Variants in WWTR1 observed in about 807,000 individuals in gnomAD.
The protein encoded by WWTR1 is WW domain containing transcription regulator 1.
In WWTR1, 13 loss-of-function variants were observed where a neutral mutation model predicts 40.1. That is an observed-to-expected ratio of 0.32 (90% confidence interval 0.21 to 0.52). WWTR1 has a LOEUF of 0.52. WWTR1 is among the 20% of genes least tolerant of loss of function. The pLI is 0.97. For missense variants in WWTR1, 436 were observed against 523.1 expected, an observed-to-expected ratio of 0.83 and a Z score of 1.63; for synonymous variants, 230 against 210.1, an observed-to-expected ratio of 1.09 and a Z score of -0.82.
chr3:149,645,977 C>G (rs1315054581), intron 2 of WWTR1, among the ~76,000 whole-genome samples: 1 of 152,114 alleles, frequency 6.6e-6, no homozygotes, highest in Non-Finnish European at 1.5e-5. Flanking sequence ...CAATGAGTTA[C>G]TGTAGAAGCC....
intron 2 of WWTR1, among the ~76,000 whole-genome samples, chr3:149,592,616 AATAT>A (rs1560075751): frequency 6.6e-6 from 1 of 152,234 alleles, no homozygotes; most frequent in African/African-American, 2.4e-5. Flanking sequence ...TATGTGTATA[AATAT>A]ATATACATAT....
chr3:149,636,026 T>C (rs1388500827), intron 2 of WWTR1, among the ~76,000 whole-genome samples: 1 of 152,140 alleles, frequency 6.6e-6, no homozygotes, highest in Non-Finnish European at 1.5e-5. Flanking sequence ...AAGTAAAGAA[T>C]AAAAAAGTTC....
chr3:149,595,324 T>C lies in WWTR1; in HGVS notation c.432-22324A>G, dbSNP rs992584296. Among the ~76,000 whole-genome samples, 10 of 152,286 alleles carry C rather than the reference T, an allele frequency of 6.6e-5. 1 individual carries two copies. Among genetic ancestry groups the C allele is most frequent in the Middle Eastern group, 6.8e-3 (2 of 294 alleles). ...GAACCTAGATAAAGAGCAAACTCTC[T>C]TTCAACATTTTTTCAGGTTTGAAAA... On this transcript the variant is annotated intron_variant, in intron 2 of 6. Coordinates refer to ENST00000360632, the MANE Select transcript of WWTR1 (RefSeq NM_015472.6).
chr3:149,628,449 TCAAA>T (rs112814715), intron 2 of WWTR1, among the ~76,000 whole-genome samples: 2,714 of 152,290 alleles, frequency 0.018, 33 homozygotes, highest in Non-Finnish European at 0.03. Context: ...ACAAGGAAAC[TCAAA>T]CAAATACTGC....
chr3:149,668,459 T>G (rs1304791021), intron 2 of WWTR1, among the ~76,000 whole-genome samples: 1 of 151,910 alleles, frequency 6.6e-6, no homozygotes, highest in Non-Finnish European at 1.5e-5. Flanking sequence ...ATACAAAAAA[T>G]TAGCCGGGCA....
chr3:149,689,289 G>A (rs1248177143), intron 1 of WWTR1, among the ~76,000 whole-genome samples: 1 of 148,120 alleles, frequency 6.8e-6, no homozygotes, highest in East Asian at 2.0e-4. Flanking sequence ...GCTGAGGCAG[G>A]AAGATTGCTT....
chr3:149,610,240 G>T (rs1237256396), intron 2 of WWTR1, among the ~76,000 whole-genome samples: 1 of 152,090 alleles, frequency 6.6e-6, no homozygotes, highest in Non-Finnish European at 1.5e-5. Flanking sequence ...TACAAGCAAA[G>T]TACCAAATTC....
chr3:149,605,614 T>C (rs1739450232), intron 2 of WWTR1, among the ~76,000 whole-genome samples: 1 of 152,160 alleles, frequency 6.6e-6, no homozygotes, highest in Non-Finnish European at 1.5e-5. Flanking sequence ...ACGTGTTTAA[T>C]GGGCAAAAGA....
chr3:149,557,023 T>A (rs1736858619), intron 3 of WWTR1, among the ~76,000 whole-genome samples: 1 of 146,862 alleles, frequency 6.8e-6, no homozygotes, highest in African/African-American at 2.5e-5. Context: ...TATAGAAAAC[T>A]TCCCCATAAA....
intron 3 of WWTR1, among the ~76,000 whole-genome samples, chr3:149,559,813 A>G (rs775039942): frequency 6.6e-6 from 1 of 152,218 alleles, no homozygotes; most frequent in African/African-American, 2.4e-5. Flanking sequence ...CTGATACCTC[A>G]TACTCATAGT....
intron 5 of WWTR1, among the ~76,000 whole-genome samples, chr3:149,526,651 G>A (rs1295543517): frequency 6.6e-6 from 1 of 152,128 alleles, no homozygotes; most frequent in Non-Finnish European, 1.5e-5. Context: ...TCTGGGTAGT[G>A]GGTACATGGG....
chr3:149,580,805 G>A (rs922762834), intron 2 of WWTR1, among the ~76,000 whole-genome samples: 1 of 151,936 alleles, frequency 6.6e-6, no homozygotes, highest in Non-Finnish European at 1.5e-5. Context: ...TAGAGATGGG[G>A]TTTCACCATA....
chr3:149,644,691 T>C (rs185408989), intron 2 of WWTR1, among the ~76,000 whole-genome samples: 119 of 152,334 alleles, frequency 7.8e-4, no homozygotes, highest in Non-Finnish European at 1.5e-3. Context: ...ATGCTGTTTT[T>C]ATCAGTCAAG....
At chr3:149,705,441 T>C (rs528506532), upstream of WWTR1, among the ~76,000 whole-genome samples, 15 of 152,282 alleles carry the variant, frequency 9.9e-5, no homozygotes, top group Non-Finnish European at 1.8e-4. Context: ...CAATATGAGA[T>C]AGTAATCATG....
At chr3:149,528,124 C>T (rs1260185240) in intron 4 of WWTR1, among the ~76,000 whole-genome samples, 155 bp from the exon 5 acceptor site, 1 of 152,178 alleles carries the variant, frequency 6.6e-6, no homozygotes, top group Non-Finnish European at 1.5e-5. Context: ...ATTCTTTCTC[C>T]GAAGAAAGTC....
chr3:149,597,544 C>A (rs1739056381), intron 2 of WWTR1, among the ~76,000 whole-genome samples: 1 of 151,466 alleles, frequency 6.6e-6, no homozygotes, highest in Non-Finnish European at 1.5e-5. Flanking sequence ...CCTCGAGAGG[C>A]TGGGGTGGAA....
At chr3:149,540,279 T>C (rs17787953) in intron 4 of WWTR1, 70,321 of 456,586 alleles carry the variant, frequency 0.15, 6,751 homozygotes, top group Non-Finnish European at 0.21. Flanking sequence ...GGAACTTGGT[T>C]GGCATTTCTG....
intron 1 of WWTR1, among the ~76,000 whole-genome samples, chr3:149,694,797 A>G (rs1188489906): frequency 6.6e-6 from 1 of 152,228 alleles, no homozygotes; most frequent in Admixed American, 6.5e-5. Flanking sequence ...TGATCCAGCA[A>G]TCCCACTGCT....
intron 6 of WWTR1, among the ~76,000 whole-genome samples, chr3:149,522,029 C>A (rs143070791): frequency 6.6e-6 from 1 of 151,972 alleles, no homozygotes; most frequent in East Asian, 1.9e-4. Context: ...AAAGAAAAAC[C>A]CAGGTCTTCA....
Sources: gnomAD v4.1 joint callset for allele counts (sites outside exome capture counted in the v4.1 genomes callset) on GRCh38, gnomAD v4.1.1 for gene constraint, MANE v1.5 for transcripts, NCBI Gene and HGNC (gene_info 2026-07-23, HGNC 2026-07-21) for gene names.